Variants in LRRC37A observed in about 807,000 individuals in gnomAD.
The protein encoded by LRRC37A is leucine rich repeat containing 37A, also known as leucine-rich repeat-containing protein 37A.
Under a neutral mutation model 35.4 loss-of-function variants are expected in LRRC37A, and 3 were observed. The observed-to-expected ratio is 0.08, with a 90% CI of 0.04 to 0.22. The LOEUF (loss-of-function observed/expected upper bound fraction) is 0.22, where lower values mean the gene tolerates loss of function less well. Among genes scored for constraint, LRRC37A ranks in the 10% least tolerant of loss-of-function variants. The pLI is 1.00. For synonymous variants in LRRC37A, 23 were observed against 215.0 expected (o/e 0.11, Z 7.81); for missense variants, 67 against 565.3 (o/e 0.12, Z 8.94).
At chr17:46,282,834 G>T in the LRRC37A span, among the ~76,000 whole-genome samples, 1 of 152,172 alleles carries the variant, frequency 6.6e-6, no homozygotes, top group African/African-American at 2.4e-5. Flanking sequence ...AGATCACTGT[G>T]GGGGCTGGGC....
chr17:46,279,808 A>G, the LRRC37A span, among the ~76,000 whole-genome samples: 37 of 152,318 alleles, frequency 2.4e-4, no homozygotes, highest in East Asian at 6.6e-3. Context: ...AGGCCCTCCT[A>G]CACAACTTTT....
chr17:46,324,009 G>T, intron 7 of LRRC37A, among the ~76,000 whole-genome samples: 1 of 107,180 alleles, frequency 9.3e-6, no homozygotes, highest in African/African-American at 3.0e-5. Context: ...GTAACTGCAG[G>T]GGGTCCTGGA....
the LRRC37A span, among the ~76,000 whole-genome samples, chr17:46,284,638 A>G: frequency 2.6e-5 from 4 of 152,222 alleles, no homozygotes; most frequent in African/African-American, 7.2e-5. Flanking sequence ...TGGGCCCTAC[A>G]TGATGAGCTG....
chr17:46,319,212 A>ATTTTTTTTTT lies in LRRC37A; in HGVS notation c.2907-3082_2907-3073dup, dbSNP rs1225879085. On this transcript the variant is annotated intron_variant, in intron 5 of 13. Coordinates refer to ENST00000320254, the Ensembl canonical transcript of LRRC37A. The stretch of plus-strand genomic sequence containing the variant: ...GTTCTGAAAAAGTTTATTGTGGTCA[A>ATTTTTTTTTT]TTTTTTTTTTTTTTTTTTTTTTTTT... Among the ~76,000 whole-genome samples, 16 of 1,638 alleles carry ATTTTTTTTTT rather than the reference A, an allele frequency of 9.8e-3. 2 individuals carry two copies. Among genetic ancestry groups the ATTTTTTTTTT allele is most frequent in the East Asian group, 0.026 (5 of 190 alleles). The allele number at this position is 1,638 out of a possible 152,430, so 1.1% of individuals were successfully genotyped here.
intron 7 of LRRC37A, among the ~76,000 whole-genome samples, chr17:46,323,325 T>C (rs2051498972): frequency 1.3e-5 from 1 of 77,038 alleles, no homozygotes; most frequent in African/African-American, 4.0e-5. Context: ...TACTTTTGCC[T>C]TTTCCAGAAT....
chr17:46,275,082 G>T, the LRRC37A span: 164 of 190,958 alleles, frequency 8.6e-4, no homozygotes, highest in Non-Finnish European at 1.4e-3. Flanking sequence ...GGTAGAGACG[G>T]GGTTTCTCCA....
the LRRC37A span, chr17:46,260,620 C>CT: frequency 0.28 from 294,429 of 1,045,030 alleles, 15,200 homozygotes; most frequent in South Asian, 0.35. Flanking sequence ...TCTCTATTCT[C>CT]TTTTTTTTTT....
At chr17:46,249,184 T>C in the LRRC37A span, among the ~76,000 whole-genome samples, 6 of 152,090 alleles carry the variant, frequency 3.9e-5, no homozygotes, top group East Asian at 1.2e-3. Context: ...GTTCACTCCT[T>C]TTTATTGCTC....
chr17:46,276,997 G>T, the LRRC37A span, among the ~76,000 whole-genome samples: 1 of 133,254 alleles, frequency 7.5e-6, no homozygotes, highest in Non-Finnish European at 1.8e-5. Flanking sequence ...TAGAGATGGG[G>T]TTTCCCCATG....
At chr17:46,255,670 A>C in the LRRC37A span, among the ~76,000 whole-genome samples, 1 of 140,512 alleles carries the variant, frequency 7.1e-6, no homozygotes, top group Non-Finnish European at 1.5e-5. Context: ...CCGGCCCCCA[A>C]ATTGTTTTTT....
chr17:46,284,817 G>A, the LRRC37A span, among the ~76,000 whole-genome samples: 1 of 152,312 alleles, frequency 6.6e-6, no homozygotes, highest in Admixed American at 6.5e-5. Flanking sequence ...TTCAATTCTT[G>A]TGATTATGAT....
chr17:46,310,254 GTTA>G lies in LRRC37A; in HGVS notation c.2906+3953_2906+3955del, dbSNP rs1300126849. ...TTTTTCCAACAACTCTTGCGATGCG[GTTA>G]TTATTATCATTTCTATTTTGTAGAT... On this transcript the variant is annotated intron_variant, in intron 5 of 13. Coordinates refer to ENST00000320254, the Ensembl canonical transcript of LRRC37A. The G allele has an allele frequency of 7.6e-5, 9 of 118,464 alleles. 1 individual carries two copies. The highest frequency in any genetic ancestry group is 5.2e-4 in the South Asian group (2 of 3,858). 7.3% of individuals were successfully genotyped at this position (118,464 alleles called of 1,614,324 possible). A position where few individuals can be genotyped will look rare whatever the true frequency, so the allele number is the denominator to read the frequency against.
the LRRC37A span, among the ~76,000 whole-genome samples, chr17:46,269,840 GT>G: frequency 6.6e-6 from 1 of 152,108 alleles, no homozygotes; most frequent in Non-Finnish European, 1.5e-5. Flanking sequence ...TTTTTGTTTT[GT>G]TTTGTTTTAG....
At chr17:46,291,702 C>G (rs1207204067), upstream of LRRC37A, among the ~76,000 whole-genome samples, 1 of 152,162 alleles carries the variant, frequency 6.6e-6, no homozygotes, top group Non-Finnish European at 1.5e-5. Flanking sequence ...AGGAGGATCA[C>G]TTGCTTGAGC....
At chr17:46,263,873 A>G in the LRRC37A span, among the ~76,000 whole-genome samples, 8,318 of 131,940 alleles carry the variant, frequency 0.063, 1 homozygote, top group Middle Eastern at 0.15. Flanking sequence ...AAAAAAAAAA[A>G]AGAGAGAGAG....
chr17:46,278,740 T>C, the LRRC37A span, among the ~76,000 whole-genome samples: 2 of 152,190 alleles, frequency 1.3e-5, no homozygotes, highest in Non-Finnish European at 2.9e-5. Flanking sequence ...AAAAATTATA[T>C]CATTCCATGC....
the LRRC37A span, among the ~76,000 whole-genome samples, chr17:46,252,038 C>T: frequency 6.6e-6 from 1 of 152,216 alleles, no homozygotes; most frequent in Non-Finnish European, 1.5e-5. Context: ...AAATCCATTT[C>T]CTCCACAGGG....
At chr17:46,275,209 T>C in the LRRC37A span, 4 of 340,454 alleles carry the variant, frequency 1.2e-5, no homozygotes, top group Non-Finnish European at 2.0e-5. Context: ...TTTTTTCTTG[T>C]CCATTGGACA....
upstream of LRRC37A, among the ~76,000 whole-genome samples, chr17:46,288,884 T>G (rs372965268): frequency 1.4e-3 from 218 of 152,156 alleles, 1 homozygote; most frequent in Middle Eastern, 0.01. Context: ...TTTGTATTTT[T>G]GTTAGAGACA....
Sources: gnomAD v4.1 joint callset for allele counts (sites outside exome capture counted in the v4.1 genomes callset) on GRCh38, gnomAD v4.1.1 for gene constraint, MANE v1.5 for transcripts, NCBI Gene and HGNC (gene_info 2026-07-23, HGNC 2026-07-21) for gene names.